The following NCKAP5 variants were observed in gnomAD, a reference collection of about 807,000 sequenced individuals.
The protein encoded by NCKAP5 is NCK associated protein 5, also known as nck-associated protein 5.
A neutral mutation model predicts 167.0 loss-of-function variants in NCKAP5; 92 were observed. That is an observed-to-expected ratio of 0.55 (90% CI 0.47 to 0.66). The LOEUF (loss-of-function observed/expected upper bound fraction) is 0.66, where lower values mean the gene tolerates loss of function less well. NCKAP5 is among the 30% of genes least tolerant of loss of function. The pLI, the probability that NCKAP5 is intolerant of heterozygous loss-of-function variation, is 0.00. For missense variants in NCKAP5, 2,378 were observed against 2,315.0 expected (o/e 1.03, Z -0.56); for synonymous variants, 891 against 877.4 (o/e 1.02, Z -0.27).
chr2:133,106,525 G>T (rs917082116), intron 6 of NCKAP5, among the ~76,000 whole-genome samples: 1 of 152,116 alleles, frequency 6.6e-6, no homozygotes, highest in Non-Finnish European at 1.5e-5. Context: ...CCAGAGGAGA[G>T]ATAAATGCTT....
intron 7 of NCKAP5, among the ~76,000 whole-genome samples, chr2:132,971,082 A>T (rs1486688582): frequency 6.6e-6 from 1 of 152,258 alleles, no homozygotes; most frequent in Non-Finnish European, 1.5e-5. Context: ...GGCATACAAA[A>T]GTGAAAAATA....
At chr2:133,418,815 T>C (rs2151085024) in intron 3 of NCKAP5, among the ~76,000 whole-genome samples, 1 of 152,292 alleles carries the variant, frequency 6.6e-6, no homozygotes, top group East Asian at 1.9e-4. Context: ...CTTAAAGAAC[T>C]TTTGAAATAA....
rs371537278 is a variant in NCKAP5, at chr2:133,561,613, T to G, written c.-129-2496A>C. ...ACCAACTACAATAAACCAGATCGTT[T>G]CTATTTACCCAAATATGAGTAACTG... is the stretch of plus-strand genomic sequence containing the variant. On this transcript the variant is annotated intron_variant, in intron 1 of 19. Transcript: ENST00000409261. Among the ~76,000 whole-genome samples the G allele has an allele frequency of 3.3e-5, 5 of 152,218 alleles. No individual in the cohort carries two copies. The South Asian group carries it at 8.3e-4, about 25-fold the overall frequency.
At chr2:133,549,215 C>T (rs1172488208) in intron 2 of NCKAP5, among the ~76,000 whole-genome samples, 1 of 151,754 alleles carries the variant, frequency 6.6e-6, no homozygotes, top group African/African-American at 2.4e-5. Context: ...ACAGGAGCAC[C>T]CAGGTTCATA....
chr2:132,819,798 G>A (rs1034956483), intron 11 of NCKAP5, among the ~76,000 whole-genome samples: 3 of 152,176 alleles, frequency 2.0e-5, no homozygotes, highest in Non-Finnish European at 4.4e-5. Flanking sequence ...CAATTTGGAT[G>A]TTCAAGGTCC....
chr2:133,277,484 G>A (rs530875197), intron 4 of NCKAP5, among the ~76,000 whole-genome samples: 1 of 152,140 alleles, frequency 6.6e-6, no homozygotes, highest in African/African-American at 2.4e-5. Flanking sequence ...CTGGGGAAAC[G>A]TTAAAACTCC....
intron 9 of NCKAP5, among the ~76,000 whole-genome samples, chr2:132,873,392 C>T (rs777133703): frequency 6.6e-6 from 1 of 152,144 alleles, no homozygotes; most frequent in Non-Finnish European, 1.5e-5. Flanking sequence ...GGATTACAGG[C>T]GTGAGCCACT....
intron 2 of NCKAP5, among the ~76,000 whole-genome samples, chr2:133,525,518 A>G (rs1439338453): frequency 6.6e-6 from 1 of 152,216 alleles, no homozygotes; most frequent in Non-Finnish European, 1.5e-5. Context: ...GGAGCAGTAA[A>G]AAAATTGCTA....
chr2:133,145,209 G>GA (rs148293477), intron 5 of NCKAP5, among the ~76,000 whole-genome samples: 4,596 of 151,064 alleles, frequency 0.03, 212 homozygotes, highest in African/African-American at 0.1. Context: ...GGTTGTAGCA[G>GA]AAAAAAAAAT....
At chr2:132,921,737 C>T (rs531215368) in intron 8 of NCKAP5, among the ~76,000 whole-genome samples, 31 of 152,134 alleles carry the variant, frequency 2.0e-4, no homozygotes, top group South Asian at 6.2e-4. Flanking sequence ...TCTTGACTTA[C>T]GAGGAACCTC....
At chr2:133,666,704 TAATAG>T in the NCKAP5 span, among the ~76,000 whole-genome samples, 4 of 143,482 alleles carry the variant, frequency 2.8e-5, no homozygotes, top group African/African-American at 9.0e-5. Flanking sequence ...TTCTAAATTA[TAATAG>T]AATAGATGAT....
intron 5 of NCKAP5, among the ~76,000 whole-genome samples, chr2:133,180,426 C>T (rs113409783): frequency 4.9e-4 from 75 of 152,104 alleles, no homozygotes; most frequent in African/African-American, 1.8e-3. Flanking sequence ...CCTCGAACTC[C>T]CCAGGCTCAG....
intron 6 of NCKAP5, among the ~76,000 whole-genome samples, chr2:133,106,622 T>C (rs1047155533): frequency 6.6e-5 from 10 of 152,220 alleles, no homozygotes. Flanking sequence ...TTCTAAGTAA[T>C]GACTTTCTTC....
At position 133,232,487 on chromosome 2, in the gene NCKAP5, T is replaced by C. The variant is rs560577278; in HGVS notation, c.144-18708A>G. Among the ~76,000 whole-genome samples, 87 of 152,170 alleles carry C rather than the reference T, an allele frequency of 5.7e-4. 1 individual carries two copies. In the South Asian group the frequency reaches 0.018, roughly 31 times the overall value. ...TTTAAAAGGTCAAAGGGAAAACAAC[T>C]AGAAATGTCCTACTTAGTCCAAAAG... On this transcript the variant is annotated intron_variant, in intron 4 of 19. Coordinates refer to ENST00000409261, the MANE Select transcript of NCKAP5 (RefSeq NM_207363.3).
At chr2:133,527,702 C>T (rs1685037268) in intron 2 of NCKAP5, among the ~76,000 whole-genome samples, 1 of 152,084 alleles carries the variant, frequency 6.6e-6, no homozygotes, top group South Asian at 2.1e-4. Flanking sequence ...TCTTTTTCTA[C>T]TCAATGATTT....
intron 3 of NCKAP5, among the ~76,000 whole-genome samples, chr2:133,471,134 A>T (rs1163221995): frequency 6.6e-6 from 1 of 152,188 alleles, no homozygotes; most frequent in East Asian, 1.9e-4. Flanking sequence ...TCCTAAAAAC[A>T]GTTCAGCTCA....
At position 132,922,861 on chromosome 2, in the gene NCKAP5, G is replaced by A. The variant is rs141748797; in HGVS notation, c.579+40859C>T. On this transcript the variant is annotated intron_variant, in intron 8 of 19. Coordinates refer to ENST00000409261, the MANE Select transcript of NCKAP5 (RefSeq NM_207363.3). ...CTCATTCCAGTTCTTTTAACTTCTG[G>A]TCATGGACCTTTATGTTGCACAGCC... 1.8e-4 allele frequency among the ~76,000 whole-genome samples: 28 copies of A among 152,196 alleles called. No homozygotes were observed. The East Asian group carries it at 4.8e-3, about 26-fold the overall frequency.
chr2:133,214,622 T>A (rs1392298896), intron 4 of NCKAP5, among the ~76,000 whole-genome samples: 1 of 152,204 alleles, frequency 6.6e-6, no homozygotes, highest in East Asian at 1.9e-4. Context: ...AAGTGATAGA[T>A]GACTGCATTT....
At chr2:132,680,138 C>G (rs1685024325) in intron 19 of NCKAP5, among the ~76,000 whole-genome samples, 2 of 152,140 alleles carry the variant, frequency 1.3e-5, no homozygotes, top group Non-Finnish European at 2.9e-5. Flanking sequence ...CAAATTTCAA[C>G]TTGGATATTA....
Sources: gnomAD v4.1 joint callset for allele counts (sites outside exome capture counted in the v4.1 genomes callset) on GRCh38, gnomAD v4.1.1 for gene constraint, MANE v1.5 for transcripts, NCBI Gene and HGNC (gene_info 2026-07-23, HGNC 2026-07-21) for gene names.